The following ANTXR2 variants were observed in gnomAD, a reference collection of about 807,000 sequenced individuals.
ANTXR2 encodes the protein anthrax toxin receptor 2.
A neutral mutation model predicts 73.7 loss-of-function variants in ANTXR2; 44 were observed. The ratio of observed to expected loss-of-function variants is 0.60; its 90% CI spans 0.47 to 0.77. ANTXR2 has a LOEUF of 0.77. Ranked by LOEUF, ANTXR2 falls within the 30% of genes least tolerant of loss-of-function variation. The pLI is 0.00. For synonymous variants in ANTXR2, 217 were observed against 205.9 expected, an observed-to-expected ratio of 1.05 and a Z score of -0.46; for missense variants, 604 against 592.5, an observed-to-expected ratio of 1.02 and a Z score of -0.20.
intron 16 of ANTXR2, among the ~76,000 whole-genome samples, chr4:79,949,804 C>T (rs553647332): frequency 2.0e-5 from 3 of 152,178 alleles, no homozygotes; most frequent in African/African-American, 7.2e-5. Context: ...CAAGTTCCGC[C>T]CTGAACAAGT....
intron 16 of ANTXR2, among the ~76,000 whole-genome samples, chr4:79,931,042 A>G (rs1347888800): frequency 6.6e-6 from 1 of 152,204 alleles, no homozygotes; most frequent in African/African-American, 2.4e-5. Flanking sequence ...GAATTGTAAT[A>G]TTAGTAAATC....
chr4:79,928,868 G>A (rs1391227416), intron 16 of ANTXR2, among the ~76,000 whole-genome samples: 2 of 152,104 alleles, frequency 1.3e-5, no homozygotes, highest in East Asian at 1.9e-4. Context: ...TATTTGCAAG[G>A]CATAAAGCCA....
At position 79,908,797 on chromosome 4, in the gene ANTXR2, T is replaced by G. The variant is rs369457882; in HGVS notation, c.1429-1330A>C. The stretch of plus-strand genomic sequence containing the variant: ...AGGTCATAGGTCATGTACTCCAGAC[T>G]GTATTTTTGTGTTACCTAGAACTTT... On this transcript the variant is annotated intron_variant, in intron 16 of 16. Coordinates refer to ENST00000403729, the MANE Select transcript of ANTXR2 (RefSeq NM_058172.6). Among the ~76,000 whole-genome samples the G allele has an allele frequency of 1.2e-4, 18 of 152,204 alleles. 1 individual carries two copies. The highest frequency in any genetic ancestry group is 9.6e-4 in the East Asian group (5 of 5,200).
chr4:80,055,813 C>A (rs1376293625), intron 4 of ANTXR2, 119 bp downstream of exon 4: 1 of 749,918 alleles, frequency 1.3e-6, no homozygotes, highest in Non-Finnish European at 2.1e-6. Flanking sequence ...CAACTAAAAG[C>A]ACTTTAAAAA....
intron 10 of ANTXR2, among the ~76,000 whole-genome samples, chr4:80,030,331 C>T (rs887894306): frequency 3.3e-5 from 5 of 152,116 alleles, no homozygotes; most frequent in Non-Finnish European, 7.4e-5. Flanking sequence ...GAGGACCAAC[C>T]TGGAATTACA....
rs572381265 is a variant in ANTXR2 at position 79,985,838 on chromosome 4, C to CTTTT, written c.1042-979_1042-976dup. Among the ~76,000 whole-genome samples the CTTTT allele has an allele frequency of 8.6e-4, 96 of 111,660 alleles. 1 individual carries two copies. Among genetic ancestry groups the CTTTT allele is most frequent in the Non-Finnish European group, 1.3e-3 (73 of 55,140 alleles). The allele number at this position is 111,660 out of a possible 152,430, so 73.3% of individuals were successfully genotyped here. ...CTCATGAAATCTTTCACAGTTAATT[C>CTTTT]TTTTTTTTTTTTTTTTTTTTGAGAC... On this transcript the variant is annotated intron_variant, in intron 12 of 16. Coordinates refer to ENST00000403729, the MANE Select transcript of ANTXR2 (RefSeq NM_058172.6).
At chr4:79,917,091 G>A (rs1727382997) in intron 16 of ANTXR2, among the ~76,000 whole-genome samples, 2 of 152,176 alleles carry the variant, frequency 1.3e-5, no homozygotes, top group Admixed American at 1.3e-4. Context: ...ACTTCACTAA[G>A]TGCAAGGCGG....
chr4:80,038,232 TTC>T (rs1733069178), intron 7 of ANTXR2, among the ~76,000 whole-genome samples: 1 of 152,152 alleles, frequency 6.6e-6, no homozygotes. Context: ...TATATTTGTT[TTC>T]TCTCTTCTAT....
intron 10 of ANTXR2, among the ~76,000 whole-genome samples, chr4:80,026,831 C>T (rs1427120228): frequency 6.6e-6 from 1 of 151,996 alleles, no homozygotes; most frequent in African/African-American, 2.4e-5. Context: ...ATTTAACATT[C>T]CCATACATGG....
chr4:80,011,937 T>TA, intron 11 of ANTXR2, among the ~76,000 whole-genome samples: 1 of 152,292 alleles, frequency 6.6e-6, no homozygotes, highest in Admixed American at 6.5e-5. Flanking sequence ...AGTTATAGAA[T>TA]AAAAAACTTT....
intron 16 of ANTXR2, among the ~76,000 whole-genome samples, chr4:79,945,071 T>C (rs151044788): frequency 6.6e-6 from 1 of 152,222 alleles, no homozygotes; most frequent in African/African-American, 2.4e-5. Flanking sequence ...GATTCTTCTA[T>C]ACCAGAGTTA....
intron 12 of ANTXR2, among the ~76,000 whole-genome samples, chr4:79,990,487 A>G (rs1730417710): frequency 6.6e-6 from 1 of 152,026 alleles, no homozygotes; most frequent in African/African-American, 2.4e-5. Flanking sequence ...CAGAGATAAC[A>G]AAAACAAATG....
chr4:79,993,760 G>GTGCGCGCGCACACACACA (rs1553931142), intron 12 of ANTXR2, among the ~76,000 whole-genome samples: 3 of 140,770 alleles, frequency 2.1e-5, no homozygotes, highest in African/African-American at 7.7e-5. Context: ...ACACACACAC[G>GTGCGCGCGCACACACACA]CACACACACA....
At chr4:79,975,090 C>A (rs546302549) in intron 16 of ANTXR2, among the ~76,000 whole-genome samples, 2 of 152,096 alleles carry the variant, frequency 1.3e-5, no homozygotes, top group Non-Finnish European at 2.9e-5. Context: ...ACTTCTGAAC[C>A]CCAGATTATC....
chr4:80,046,544 A>T lies in ANTXR2; in HGVS notation c.636+7728T>A, dbSNP rs532695413. Among the ~76,000 whole-genome samples the T allele has an allele frequency of 2.0e-5, 3 of 151,952 alleles. No homozygotes were observed. In the East Asian group the frequency reaches 5.8e-4, roughly 29 times the overall value. On this transcript the variant is annotated intron_variant, in intron 7 of 16. Transcript: ENST00000403729. Reference sequence around the variant, plus strand: ...CATGGTATAATTTTCACTCTGATGCAAACATTATTTTGTATTAGCCTTATT... The same window carrying T: ...CATGGTATAATTTTCACTCTGATGCTAACATTATTTTGTATTAGCCTTATT...
intron 12 of ANTXR2, among the ~76,000 whole-genome samples, chr4:79,991,928 A>AT: frequency 6.6e-6 from 1 of 152,062 alleles, no homozygotes; most frequent in Non-Finnish European, 1.5e-5. Context: ...GGACAGAAAG[A>AT]TGAGAACAAT....
chr4:80,054,217 G>T, intron 7 of ANTXR2, 55 bp downstream of exon 7: 1 of 1,373,758 alleles, frequency 7.3e-7, no homozygotes, highest in Non-Finnish European at 1.0e-6. Flanking sequence ...ACTTCTTATA[G>T]ATTAAAAAAA....
intron 16 of ANTXR2, among the ~76,000 whole-genome samples, chr4:79,963,276 G>A (rs550620047): frequency 1.7e-4 from 26 of 152,182 alleles, no homozygotes; most frequent in African/African-American, 6.0e-4. Flanking sequence ...GTAAACAAGA[G>A]GTAGAGCCCA....
At chr4:80,057,401 C>G (rs1309150770) in intron 3 of ANTXR2, among the ~76,000 whole-genome samples, 1 of 151,932 alleles carries the variant, frequency 6.6e-6, no homozygotes, top group Non-Finnish European at 1.5e-5. Flanking sequence ...AATCCATTCA[C>G]CAGAGCCTTA....
Sources: gnomAD v4.1 joint callset for allele counts (sites outside exome capture counted in the v4.1 genomes callset) on GRCh38, gnomAD v4.1.1 for gene constraint, MANE v1.5 for transcripts, NCBI Gene and HGNC (gene_info 2026-07-23, HGNC 2026-07-21) for gene names.